The following WWOX variants were observed in gnomAD, a reference collection of about 807,000 sequenced individuals.
WWOX encodes the protein WW domain containing oxidoreductase.
In WWOX, 69 loss-of-function variants were observed where a neutral mutation model predicts 46.2. The observed-to-expected ratio is 1.49, with a 90% CI of 1.23 to 1.82. The LOEUF (loss-of-function observed/expected upper bound fraction) is 1.82, where lower values mean the gene tolerates loss of function less well. Ranked by LOEUF, WWOX falls within the 40% of genes most tolerant of loss-of-function variation. The pLI is 0.00. For synonymous variants in WWOX, 359 were observed against 202.6 expected (o/e 1.77, Z -6.56); for missense variants, 919 against 542.6 (o/e 1.69, Z -6.89).
chr16:78,773,705 C>G (rs556217760), intron 8 of WWOX, among the ~76,000 whole-genome samples: 2 of 152,240 alleles, frequency 1.3e-5, no homozygotes, highest in South Asian at 4.1e-4. Context: ...GAGTTGAAGT[C>G]TGAACAAATA....
intron 8 of WWOX, among the ~76,000 whole-genome samples, chr16:78,596,956 A>T (rs2045505708): frequency 6.6e-6 from 1 of 152,106 alleles, no homozygotes; most frequent in Admixed American, 6.5e-5. Flanking sequence ...CTAAACAGTA[A>T]CCATGTTCTA....
At chr16:78,283,583 T>C (rs2079718001) in intron 5 of WWOX, among the ~76,000 whole-genome samples, 1 of 152,194 alleles carries the variant, frequency 6.6e-6, no homozygotes, top group Non-Finnish European at 1.5e-5. Flanking sequence ...ACAGTTTTCT[T>C]TAACTCACAT....
chr16:78,924,427 G>A (rs2045451778), intron 8 of WWOX, among the ~76,000 whole-genome samples: 1 of 152,202 alleles, frequency 6.6e-6, no homozygotes. Context: ...ACTAATGGCA[G>A]AATGGAAAGA....
chr16:78,252,083 T>A (rs1306976311), intron 5 of WWOX, among the ~76,000 whole-genome samples: 3 of 152,170 alleles, frequency 2.0e-5, no homozygotes, highest in African/African-American at 7.2e-5. Context: ...CACCGTTTCA[T>A]TGACATGTCA....
chr16:78,509,198 G>A (rs2085295220), intron 8 of WWOX, among the ~76,000 whole-genome samples: 1 of 152,184 alleles, frequency 6.6e-6, no homozygotes, highest in Admixed American at 6.5e-5. Flanking sequence ...CAGCCCTTTG[G>A]GAGGCCAAGG....
At chr16:78,680,762 G>T (rs1463007204) in intron 8 of WWOX, among the ~76,000 whole-genome samples, 2 of 152,176 alleles carry the variant, frequency 1.3e-5, no homozygotes, top group Non-Finnish European at 1.5e-5. Context: ...TGCACAGTTT[G>T]GGTATGGAGC....
intron 8 of WWOX, among the ~76,000 whole-genome samples, chr16:79,085,077 C>T (rs986826294): frequency 3.3e-5 from 5 of 152,062 alleles, no homozygotes; most frequent in African/African-American, 4.8e-5. Context: ...AGGCATGAGT[C>T]GCCACACTCA....
intron 8 of WWOX, among the ~76,000 whole-genome samples, chr16:78,733,039 G>A (rs1188504910): frequency 2.0e-5 from 3 of 151,762 alleles, no homozygotes; most frequent in African/African-American, 4.8e-5. Context: ...TTGCTTTTAC[G>A]GTTTTCACAT....
rs1182754206 is a variant in WWOX at position 78,466,319 on chromosome 16, T to C, written c.1056+33567T>C. On this transcript the variant is annotated intron_variant, in intron 8 of 8. Coordinates refer to ENST00000566780, the MANE Select transcript of WWOX (RefSeq NM_016373.4). ...GTGCTGGGATTACAGGCGTGAGCCA[T>C]TGCACCCGGCTATTGGGTACAAGTT... 5.3e-5 allele frequency among the ~76,000 whole-genome samples: 8 copies of C among 151,770 alleles called. No homozygotes were observed. The East Asian group carries it at 1.6e-3, about 30-fold the overall frequency.
At chr16:78,135,055 C>T (rs989473638) in intron 4 of WWOX, among the ~76,000 whole-genome samples, 1 of 152,200 alleles carries the variant, frequency 6.6e-6, no homozygotes, top group Non-Finnish European at 1.5e-5. Flanking sequence ...CATAACAATG[C>T]AGTCCCTGCA....
chr16:79,186,357 C>G (rs936768561), intron 8 of WWOX, among the ~76,000 whole-genome samples: 2 of 152,220 alleles, frequency 1.3e-5, no homozygotes, highest in African/African-American at 2.4e-5. Flanking sequence ...AGAGAACTCT[C>G]CTTGCTCCTC....
intron 8 of WWOX, among the ~76,000 whole-genome samples, chr16:78,969,368 C>G (rs1019019333): frequency 1.3e-5 from 2 of 151,782 alleles, no homozygotes; most frequent in African/African-American, 4.8e-5. Flanking sequence ...CTCCCTGGTT[C>G]AAGGGATTCT....
intron 8 of WWOX, among the ~76,000 whole-genome samples, chr16:78,984,710 A>C (rs566625364): frequency 6.6e-6 from 1 of 152,210 alleles, no homozygotes; most frequent in Admixed American, 6.5e-5. Flanking sequence ...GAATCTTCAT[A>C]CTTTTGTAAT....
At position 78,730,575 on chromosome 16, in the gene WWOX, C is replaced by G. The variant is rs139587513; in HGVS notation, c.1056+297823C>G. 4.5e-4 allele frequency among the ~76,000 whole-genome samples: 68 copies of G among 151,260 alleles called. 1 individual carries two copies. The highest frequency in any genetic ancestry group is 1.2e-3 in the African/African-American group (51 of 41,150). On this transcript the variant is annotated intron_variant, in intron 8 of 8. Transcript: ENST00000566780. ...CAAATGATCCACCCAACCTAGCCTC[C>G]TAAGTAGCTGGGACCACAGGTGCAT...
chr16:78,595,327 G>A (rs371981777), intron 8 of WWOX, among the ~76,000 whole-genome samples: 16 of 151,792 alleles, frequency 1.1e-4, no homozygotes, highest in African/African-American at 3.9e-4. Flanking sequence ...TGGAACCAAA[G>A]CCTGTGTTTT....
chr16:78,790,931 A>C (rs1475078041), intron 8 of WWOX, among the ~76,000 whole-genome samples: 3 of 146,898 alleles, frequency 2.0e-5, no homozygotes, highest in Non-Finnish European at 4.5e-5. Flanking sequence ...AGGTGGGAGG[A>C]TCACCTGAGC....
chr16:78,386,121 T>C (rs2082055300), intron 5 of WWOX, among the ~76,000 whole-genome samples: 1 of 152,202 alleles, frequency 6.6e-6, no homozygotes, highest in African/African-American at 2.4e-5. Context: ...CTCAATTTCC[T>C]ATCTCTGTGA....
chr16:78,447,210 G>C (rs2083581380), intron 8 of WWOX, among the ~76,000 whole-genome samples: 3 of 152,110 alleles, frequency 2.0e-5, no homozygotes. Flanking sequence ...TGGACAGATG[G>C]ATTTTCTAAA....
At chr16:78,811,385 A>G (rs1419602466) in intron 8 of WWOX, among the ~76,000 whole-genome samples, 2 of 152,062 alleles carry the variant, frequency 1.3e-5, no homozygotes, top group African/African-American at 2.4e-5. Context: ...AGAAGCTATC[A>G]CTGTGTACAT....
Sources: allele counts gnomAD v4.1 joint callset (sites outside exome capture counted in the v4.1 genomes callset), GRCh38; gene constraint gnomAD v4.1.1; transcripts MANE v1.5; gene names NCBI Gene and HGNC (gene_info 2026-07-23, HGNC 2026-07-21).